ACAA1: variants seen among roughly 807,000 people sequenced by gnomAD.
The protein encoded by ACAA1 is 3-ketoacyl-CoA thiolase, peroxisomal.
A neutral mutation model predicts 48.8 loss-of-function variants in ACAA1; 44 were observed. The observed-to-expected ratio is 0.90, with a 90% CI of 0.71 to 1.16. The LOEUF (loss-of-function observed/expected upper bound fraction) is 1.16, where lower values mean the gene tolerates loss of function less well. Ranked by LOEUF, ACAA1 falls within the 50% of genes most tolerant of loss-of-function variation. The probability of loss-of-function intolerance (pLI) is 0.00; values close to 1 mark genes in which losing one functional copy is unlikely to be tolerated. For synonymous variants in ACAA1, 233 were observed against 226.5 expected, an observed-to-expected ratio of 1.03 and a Z score of -0.26; for missense variants, 512 against 562.3, an observed-to-expected ratio of 0.91 and a Z score of 0.90.
At chr3:38,123,353 T>C (rs1700584113) in intron 11 of ACAA1, 6 of 544,544 alleles carry the variant, frequency 1.1e-5, no homozygotes, top group Non-Finnish European at 2.0e-5. Context: ...ATCATGCCCC[T>C]ACATCCTAAG....
chr3:38,122,929 T>G lies in ACAA1; in HGVS notation c.*118A>C. On this transcript the variant is annotated 3_prime_UTR_variant, in exon 12 of 12. Transcript: ENST00000333167. ...AAATGAGTTGAAGTGCCTTGATCTG[T>G]CCACTGCCACCACCACCAGTGCTGA... 1 of 1,056,672 alleles carries G rather than the reference T, an allele frequency of 9.5e-7. No homozygotes were observed. Among genetic ancestry groups the G allele is most frequent in the East Asian group, 2.4e-5 (1 of 41,500 alleles). The allele number at this position is 1,056,672 out of a possible 1,614,324, so 65.5% of individuals were successfully genotyped here. A position where few individuals can be genotyped will look rare whatever the true frequency, so the allele number is the denominator to read the frequency against.
Position 38,126,724 on chromosome 3 carries a change from C to G in ACAA1, c.627-24G>C. 1 of 1,612,368 alleles carries G rather than the reference C, an allele frequency of 6.2e-7. No homozygotes were observed. Among genetic ancestry groups the G allele is most frequent in the Non-Finnish European group, 8.5e-7 (1 of 1,179,956 alleles). ...CCCTGCCAGCACCATGGACAGCCAG[C>G]TTCAGACTCCCTTGGGGTTCCCTTC... On this transcript the variant is annotated intron_variant, in intron 7 of 11. Transcript: ENST00000333167. The surrounding 1 kb of genome is among the most constrained non-coding windows in gnomAD (Gnocchi z 4.7).
At chr3:38,135,397 G>A (rs1700870180) in intron 2 of ACAA1, 1 of 152,160 alleles carries the variant, frequency 6.6e-6, no homozygotes, top group Non-Finnish European at 1.5e-5. Flanking sequence ...TGGTCTCTGA[G>A]TTCCCTCAGT....
chr3:38,126,097 A>G lies in ACAA1; in HGVS notation c.997+65T>C. On this transcript the variant is annotated intron_variant, in intron 9 of 11. Transcript: ENST00000333167. The surrounding 1 kb of genome is among the most constrained non-coding windows in gnomAD (Gnocchi z 4.7). Reference sequence around the variant, plus strand: ...CAGGACCACCCTCATGCCCCTGGCAACAGCATGCAGGGCAGCTGCAGGATC... The same window carrying G: ...CAGGACCACCCTCATGCCCCTGGCAGCAGCATGCAGGGCAGCTGCAGGATC... The G allele has an allele frequency of 1.3e-6, 2 of 1,566,632 alleles. No homozygotes were observed. Among genetic ancestry groups the G allele is most frequent in the Non-Finnish European group, 8.7e-7 (1 of 1,150,184 alleles).
Position 38,131,919 on chromosome 3 carries a change from A to G in ACAA1, c.403+7T>C, listed in dbSNP as rs374663027. ...AGGACCAAGGCACCCACCCAGTCAT[A>G]ACTTACCTGCTATGCTGGCCACTGC... On this transcript the variant is annotated splice_region_variant and intron_variant, in intron 4 of 11. Coordinates refer to ENST00000333167, the MANE Select transcript of ACAA1 (RefSeq NM_001607.4). 9.3e-6 allele frequency: 15 copies of G among 1,613,048 alleles called. No homozygotes were observed. Among genetic ancestry groups the G allele is most frequent in the Non-Finnish European group, 1.2e-5 (14 of 1,179,108 alleles).
At chr3:38,123,358 C>T in intron 11 of ACAA1, 1 of 536,802 alleles carries the variant, frequency 1.9e-6, no homozygotes, top group Non-Finnish European at 3.3e-6. Context: ...GCCCCTACAT[C>T]CTAAGTTCAG....
chr3:38,133,757 G>A lies in ACAA1; in HGVS notation c.323+195C>T, dbSNP rs971040053. 9 of 606,622 alleles carry A rather than the reference G, an allele frequency of 1.5e-5. No individual in the cohort carries two copies. In the African/African-American group the frequency reaches 1.7e-4, roughly 11 times the overall value. The allele number at this position is 606,622 out of a possible 1,614,324, so 37.6% of individuals were successfully genotyped here. On this transcript the variant is annotated intron_variant, in intron 3 of 11. Coordinates refer to ENST00000333167, the MANE Select transcript of ACAA1 (RefSeq NM_001607.4). ...AGAGAACTTCTGCTCCAGTCCCAAA[G>A]GTTTTGTGTATCGTGGCTCAGCACT...
intron 3 of ACAA1, among the ~76,000 whole-genome samples, chr3:38,132,949 G>A (rs534588135): frequency 5.3e-5 from 8 of 152,248 alleles, no homozygotes; most frequent in East Asian, 1.9e-4. Context: ...GGGATGCTGC[G>A]ATGCTTATAA....
rs1559475414 is a variant in ACAA1, at chr3:38,126,219, G to GT, written c.939dup (p.Pro314ThrfsTer2). 4 of 1,614,082 alleles carry GT rather than the reference G, an allele frequency of 2.5e-6. No homozygotes were observed. Among genetic ancestry groups the GT allele is most frequent in the Admixed American group, 1.7e-5 (1 of 60,002 alleles). Reference sequence around the variant, plus strand: ...GCAGGTCCAATGCCCATGATGTCAGGTGGGACCCCAACCACTGCATAAGAC... The same window carrying GT: ...GCAGGTCCAATGCCCATGATGTCAGGTTGGGACCCCAACCACTGCATAAGAC... On this transcript the variant is annotated frameshift_variant, in exon 9 of 12. Transcript: ENST00000333167. LOFTEE classifies it high-confidence loss of function. The surrounding 1 kb of genome is among the most constrained non-coding windows in gnomAD (Gnocchi z 4.7).
chr3:38,128,234 A>G (rs891135425), intron 6 of ACAA1, among the ~76,000 whole-genome samples: 3 of 152,186 alleles, frequency 2.0e-5, no homozygotes, highest in Admixed American at 6.5e-5. Flanking sequence ...GGGTGGGGGC[A>G]CTAGTTGGCT....
chr3:38,136,889 G>C lies in ACAA1; in HGVS notation c.147C>G (p.Cys49Trp). ...CCTTGAAGCCGCCGCGGCCCGCCCG[G>C]CAGATGGCCGTGCGCCGCCCGTGCA... is the stretch of plus-strand genomic sequence containing the variant. ...VVVHGRRTAI[C>W]RAGRGGFKDT... The change falls in exon 1 of 12, where the codon TGC becomes TGG. Residue 49 changes from cysteine (C) to tryptophan (W), a missense_variant. By Grantham distance (215) the Cys-to-Trp change is radical. Transcript: ENST00000333167. The C allele has an allele frequency of 6.5e-7, 1 of 1,529,444 alleles. No individual in the cohort carries two copies. Among genetic ancestry groups the C allele is most frequent in the African/African-American group, 1.4e-5 (1 of 71,466 alleles). 94.7% of individuals were successfully genotyped at this position (1,529,444 alleles called of 1,614,324 possible). A position where few individuals can be genotyped will look rare whatever the true frequency, so the allele number is the denominator to read the frequency against.
At chr3:38,131,702 C>T in intron 4 of ACAA1, 64 bp from the exon 5 acceptor site, 1 of 1,558,770 alleles carries the variant, frequency 6.4e-7, no homozygotes, top group Non-Finnish European at 8.9e-7. Flanking sequence ...AGCAGTGGAG[C>T]CTCTTCCCCA....
At position 38,123,260 on chromosome 3, in the gene ACAA1, C is replaced by T. The variant is rs1700580668; in HGVS notation, c.1200-138G>A. ...ATCTGTGGGCAAGCGGTACCCTGGC[C>T]TCCCACTTGGGCACACACACGGTGA... On this transcript the variant is annotated intron_variant, in intron 11 of 11. Transcript: ENST00000333167. 3 of 754,218 alleles carry T rather than the reference C, an allele frequency of 4.0e-6. No homozygotes were observed. The South Asian group carries it at 4.8e-5, about 12-fold the overall frequency. 46.7% of individuals were successfully genotyped at this position (754,218 alleles called of 1,614,324 possible). A position where few individuals can be genotyped will look rare whatever the true frequency, so the allele number is the denominator to read the frequency against.
At chr3:38,133,865 C>T (rs1275297751) in intron 3 of ACAA1, 87 bp downstream of exon 3, 14 of 1,432,724 alleles carry the variant, frequency 9.8e-6, no homozygotes, top group Non-Finnish European at 1.4e-5. Context: ...ACCTTATCCT[C>T]CCCAACCTGC....
intron 11 of ACAA1, chr3:38,123,379 T>G (rs944339261): frequency 1.5e-5 from 7 of 482,574 alleles, no homozygotes; most frequent in South Asian, 1.4e-4. Flanking sequence ...GGTGTTTCTG[T>G]GTGCATGTTC....
Position 38,123,109 on chromosome 3 carries a change from C to T in ACAA1, c.1213G>A (p.Val405Met). 6.2e-7 allele frequency: 1 copy of T among 1,614,168 alleles called. No homozygotes were observed. The highest frequency in any genetic ancestry group is 1.1e-5 in the South Asian group (1 of 91,086). The change falls in exon 12 of 12, where the codon GTG (valine) becomes ATG (methionine). Residue 405 changes from valine to methionine, a missense_variant. Transcript: ENST00000333167. ...KRRGKRAYGV[V>M]SMCIGTGMGA... is the part of the protein sequence containing the mutation. ...ATTCCAGTCCCGATGCACATGGACACCACTCCGTATGCCCTGTGAAAACAA... is the reference window on the plus strand; with the variant it reads ...ATTCCAGTCCCGATGCACATGGACATCACTCCGTATGCCCTGTGAAAACAA...
Position 38,125,573 on chromosome 3 carries a change from A to G in ACAA1, c.1191T>C (p.Arg397=). 1 of 1,553,118 alleles carries G rather than the reference A, an allele frequency of 6.4e-7. No individual in the cohort carries two copies. The highest frequency in any genetic ancestry group is 1.7e-4 in the Middle Eastern group (1 of 5,722). ...CAGGAGCAAAGCCTTACCTCTTCCC[A>G]CGGCGCTTCAGCTCATTGAGCAGCG... ...VITLLNELKR[R]GKRAYGVVSM... is the part of the protein sequence containing the mutation. Residue 397 remains arginine (R), a synonymous_variant, in exon 11 of 12, where the codon CGT becomes CGC. Transcript: ENST00000333167.
chr3:38,126,422 G>A lies in ACAA1; in HGVS notation c.818-81C>T. Reference sequence around the variant, plus strand: ...GCCCTCCCACTTCTACTTTGCAGAGGGGCCTGGTCTATTCCAGGTTCCCAG... The same window carrying A: ...GCCCTCCCACTTCTACTTTGCAGAGAGGCCTGGTCTATTCCAGGTTCCCAG... On this transcript the variant is annotated intron_variant, in intron 8 of 11. Coordinates refer to ENST00000333167, the MANE Select transcript of ACAA1 (RefSeq NM_001607.4). This position sits in a 1 kb window ranked among gnomAD's most constrained non-coding sequence, Gnocchi z 4.7. 6.2e-7 allele frequency: 1 copy of A among 1,606,696 alleles called. No individual in the cohort carries two copies. The highest frequency in any genetic ancestry group is 8.5e-7 in the Non-Finnish European group (1 of 1,175,186).
In ACAA1 at chr3:38,129,436, C is replaced by T. The variant is rs766752028; in HGVS notation, c.447-48G>A. On this transcript the variant is annotated intron_variant, in intron 5 of 11. Transcript: ENST00000333167. This position sits in a 1 kb window ranked among gnomAD's most constrained non-coding sequence, Gnocchi z 5.3. The stretch of plus-strand genomic sequence containing the variant: ...GAAGGTAAGGTGAACTGGGCCCTAG[C>T]AGGACTCCTCCAGAGATAGCTGAAC... 278 of 1,442,966 alleles carry T rather than the reference C, an allele frequency of 1.9e-4. 5 individuals carry two copies. In the South Asian group the frequency reaches 2.6e-3, roughly 14 times the overall value. 89.4% of individuals were successfully genotyped at this position (1,442,966 alleles called of 1,614,324 possible). A position where few individuals can be genotyped will look rare whatever the true frequency, so the allele number is the denominator to read the frequency against.
Sources: allele counts gnomAD v4.1 joint callset (sites outside exome capture counted in the v4.1 genomes callset), GRCh38; gene constraint gnomAD v4.1.1; non-coding constraint Gnocchi (gnomAD v3.1); transcripts MANE v1.5; gene names NCBI Gene and HGNC (gene_info 2026-07-23, HGNC 2026-07-21).